The following PRKCZ variants were observed in gnomAD, a reference collection of about 807,000 sequenced individuals.
The protein encoded by PRKCZ is protein kinase C zeta.
Under a neutral mutation model 79.5 loss-of-function variants are expected in PRKCZ, and 33 were observed. That is an observed-to-expected ratio of 0.41 (90% CI 0.31 to 0.55). PRKCZ has a LOEUF of 0.55. Among genes scored for constraint, PRKCZ ranks in the 20% least tolerant of loss-of-function variants. The probability of loss-of-function intolerance (pLI) is 0.19; values close to 1 mark genes in which losing one functional copy is unlikely to be tolerated. For missense variants in PRKCZ, 578 were observed against 813.5 expected (o/e 0.71, Z 3.52); for synonymous variants, 342 against 320.9 (o/e 1.07, Z -0.70).
intron 16 of PRKCZ, among the ~76,000 whole-genome samples, chr1:2,183,229 CAA>C (rs1410840008): frequency 1.9e-5 from 2 of 104,912 alleles, no homozygotes; most frequent in African/African-American, 9.1e-5. Context: ...AGTCTCAAAA[CAA>C]AAACAAAAAA....
At position 2,128,110 on chromosome 1, in the gene PRKCZ, G is replaced by GACAGCTGCAC. The variant is rs1334409011; in HGVS notation, c.335-7151_335-7142dup. Among the ~76,000 whole-genome samples the GACAGCTGCAC allele has an allele frequency of 6.6e-6, 1 of 152,204 alleles. No homozygotes were observed. The highest frequency in any genetic ancestry group is 1.5e-5 in the Non-Finnish European group (1 of 68,036). ...CACCCATTTTACCTGCACCCTCAGTGACAGCTGCACCCTGGCTTCTGGGGA... is the reference window on the plus strand; with the variant it reads ...CACCCATTTTACCTGCACCCTCAGTGACAGCTGCACACAGCTGCACCCTGGCTTCTGGGGA... On this transcript the variant is annotated intron_variant, in intron 4 of 17. Transcript: ENST00000378567. This position sits in a 1 kb window ranked among gnomAD's most constrained non-coding sequence, Gnocchi z 6.5.
At chr1:2,051,958 G>A (rs1484768124) in intron 1 of PRKCZ, among the ~76,000 whole-genome samples, 3 of 152,154 alleles carry the variant, frequency 2.0e-5, no homozygotes. Context: ...GGGATTTCTG[G>A]GGGACTGACC....
At chr1:2,111,829 C>G (rs1281673048) in intron 4 of PRKCZ, 1 of 152,288 alleles carries the variant, frequency 6.6e-6, no homozygotes, top group Middle Eastern at 3.1e-3. Flanking sequence ...TACGTAGGCA[C>G]TTGTGGGTCC....
At chr1:2,108,673 C>T (rs147378903) in intron 4 of PRKCZ, among the ~76,000 whole-genome samples, 78 of 152,320 alleles carry the variant, frequency 5.1e-4, no homozygotes, top group African/African-American at 1.6e-3. Context: ...AAGCAGGCCC[C>T]GAGTCCCCAG....
At chr1:2,106,193 C>T (rs181105341) in intron 4 of PRKCZ, among the ~76,000 whole-genome samples, 26 of 152,322 alleles carry the variant, frequency 1.7e-4, no homozygotes, top group Non-Finnish European at 3.1e-4. Context: ...AGGACAGGGC[C>T]GGACCCAGAG....
chr1:2,115,619 G>A (rs1670606856), intron 4 of PRKCZ, among the ~76,000 whole-genome samples: 1 of 152,232 alleles, frequency 6.6e-6, no homozygotes, highest in Non-Finnish European at 1.5e-5. Flanking sequence ...AGTGCCAGGT[G>A]ACAACCTGGA....
intron 9 of PRKCZ, 64 bp downstream of exon 9, chr1:2,151,042 GC>G: frequency 6.4e-7 from 1 of 1,567,610 alleles, no homozygotes; most frequent in Non-Finnish European, 8.6e-7. Context: ...CCTCCTCCGG[GC>G]TTTAGCGGAA....
chr1:2,144,117 C>A (rs1439181391), intron 5 of PRKCZ, 93 bp from the exon 6 acceptor site: 1 of 1,481,658 alleles, frequency 6.7e-7, no homozygotes, highest in Non-Finnish European at 9.1e-7. Context: ...TCAGTGTCCT[C>A]TTTTGAGAAG....
At chr1:2,110,410 A>G (rs1451456110) in intron 4 of PRKCZ, among the ~76,000 whole-genome samples, 2 of 152,226 alleles carry the variant, frequency 1.3e-5, no homozygotes, top group African/African-American at 2.4e-5. Context: ...ATCCCCGGTC[A>G]GGGGGCTCCT....
At chr1:2,176,167 C>G (rs1259652534) in intron 16 of PRKCZ, among the ~76,000 whole-genome samples, 2 of 152,174 alleles carry the variant, frequency 1.3e-5, no homozygotes, top group African/African-American at 4.8e-5. Flanking sequence ...CGTTCCCCAG[C>G]TGGCCGTATG....
In PRKCZ at chr1:2,173,330, G is replaced by T. The variant is rs1488138819; in HGVS notation, c.1286-567G>T. ...AGTCTAGAACCCAGCTTGGGATGGG[G>T]ATTCCGTGTGGGACAGCGGCAGCGT... is the stretch of plus-strand genomic sequence containing the variant. On this transcript the variant is annotated intron_variant, in intron 13 of 17. Transcript: ENST00000378567. The surrounding 1 kb of genome is among the most constrained non-coding windows in gnomAD (Gnocchi z 5.7). Among the ~76,000 whole-genome samples the T allele has an allele frequency of 6.6e-6, 1 of 152,144 alleles. No homozygotes were observed. The highest frequency in any genetic ancestry group is 1.5e-5 in the Non-Finnish European group (1 of 68,034).
chr1:2,116,939 G>A (rs996920489), intron 4 of PRKCZ, among the ~76,000 whole-genome samples: 1 of 152,084 alleles, frequency 6.6e-6, no homozygotes, highest in Non-Finnish European at 1.5e-5. Context: ...GCCTTTGATT[G>A]GGGTTTTTTT....
chr1:2,173,448 G>A lies in PRKCZ; in HGVS notation c.1286-449G>A, dbSNP rs183095685. Among the ~76,000 whole-genome samples the A allele has an allele frequency of 1.2e-3, 188 of 152,302 alleles. No individual in the cohort carries two copies. The highest frequency in any genetic ancestry group is 4.3e-3 in the African/African-American group (180 of 41,530). ...GGTCAGGGTCTCCCACCCCTCATTC[G>A]CTGGAACACATTCCCAACAGGTTGA... On this transcript the variant is annotated intron_variant, in intron 13 of 17. Transcript: ENST00000378567. The surrounding 1 kb of genome is among the most constrained non-coding windows in gnomAD (Gnocchi z 5.7).
At chr1:2,050,906 G>C (rs528808881) in intron 1 of PRKCZ, 45 of 384,922 alleles carry the variant, frequency 1.2e-4, no homozygotes, top group African/African-American at 9.2e-4. Flanking sequence ...CCTTCCCCGG[G>C]ACCGGGTTTC....
chr1:2,109,443 GTCC>G (rs1175045635), intron 4 of PRKCZ, among the ~76,000 whole-genome samples: 1 of 152,220 alleles, frequency 6.6e-6, no homozygotes, highest in African/African-American at 2.4e-5. Context: ...TACCTGCTCC[GTCC>G]TCCTCACTGA....
chr1:2,078,120 A>G (rs1662780518), intron 4 of PRKCZ, among the ~76,000 whole-genome samples: 1 of 152,202 alleles, frequency 6.6e-6, no homozygotes, highest in African/African-American at 2.4e-5. Flanking sequence ...CCCCCCACAC[A>G]ACATGCCGTG....
intron 9 of PRKCZ, among the ~76,000 whole-genome samples, chr1:2,154,511 G>A (rs1032374177): frequency 3.3e-5 from 5 of 152,102 alleles, no homozygotes; most frequent in Non-Finnish European, 5.9e-5. Context: ...CGGGAGTGGG[G>A]GCAGGCAACA....
In PRKCZ at chr1:2,168,384, C is replaced by T. The variant is rs984351793; in HGVS notation, c.975-1134C>T. Among the ~76,000 whole-genome samples the T allele has an allele frequency of 2.0e-5, 3 of 152,162 alleles. No homozygotes were observed. The highest frequency in any genetic ancestry group is 2.1e-4 in the South Asian group (1 of 4,826). On this transcript the variant is annotated intron_variant, in intron 10 of 17. Transcript: ENST00000378567. This position sits in a 1 kb window ranked among gnomAD's most constrained non-coding sequence, Gnocchi z 4.7. Reference sequence around the variant, plus strand: ...TGGAGGCAGGGGAGACAACAAAAGCCGAGGAACGAGCCTTCCCCAGCCGCT... The same window carrying T: ...TGGAGGCAGGGGAGACAACAAAAGCTGAGGAACGAGCCTTCCCCAGCCGCT...
At chr1:2,065,699 AAAAG>A (rs1661067552) in intron 4 of PRKCZ, among the ~76,000 whole-genome samples, 1 of 151,662 alleles carries the variant, frequency 6.6e-6, no homozygotes, top group African/African-American at 2.4e-5. Flanking sequence ...AAAAAAAAAA[AAAAG>A]TGGTGTGGTC....
Sources: allele counts gnomAD v4.1 joint callset (sites outside exome capture counted in the v4.1 genomes callset), GRCh38; gene constraint gnomAD v4.1.1; non-coding constraint Gnocchi (gnomAD v3.1); transcripts MANE v1.5; gene names NCBI Gene and HGNC (gene_info 2026-07-23, HGNC 2026-07-21).